Variants in RYR2 observed in about 807,000 individuals in gnomAD.
RYR2 encodes the protein cardiac muscle ryanodine receptor-calcium release channel.
Under a neutral mutation model 601.1 loss-of-function variants are expected in RYR2, and 227 were observed. The ratio of observed to expected loss-of-function variants is 0.38; its 90% CI spans 0.34 to 0.42. The LOEUF (loss-of-function observed/expected upper bound fraction) is 0.42. Among genes scored for constraint, RYR2 ranks in the 10% least tolerant of loss-of-function variants. The probability of loss-of-function intolerance (pLI) is 1.00; values close to 1 mark genes in which losing one functional copy is unlikely to be tolerated. For synonymous variants in RYR2, 2,223 were observed against 2,175.1 expected, an observed-to-expected ratio of 1.02 and a Z score of -0.61; for missense variants, 4,646 against 6,156.5, an observed-to-expected ratio of 0.75 and a Z score of 8.21.
intron 1 of RYR2, among the ~76,000 whole-genome samples, chr1:237,165,466 CA>C (rs1198020145): frequency 6.6e-6 from 1 of 152,054 alleles, no homozygotes; most frequent in Admixed American, 6.5e-5. Context: ...TTGAGACTGT[CA>C]AAAATTGGGC....
At chr1:237,644,127 A>G (rs1287319601) in intron 48 of RYR2, among the ~76,000 whole-genome samples, 2 of 152,058 alleles carry the variant, frequency 1.3e-5, no homozygotes, top group Non-Finnish European at 2.9e-5. Context: ...GATAGTTTTC[A>G]TTGTCACTTT....
chr1:237,671,888 G>C (rs1684982356), intron 58 of RYR2, among the ~76,000 whole-genome samples: 1 of 152,062 alleles, frequency 6.6e-6, no homozygotes, highest in African/African-American at 2.4e-5. Flanking sequence ...TTGTACCATG[G>C]TCATCTGTTG....
chr1:237,590,039 A>G (rs1303768029), intron 30 of RYR2, 38 bp downstream of exon 30: 3 of 1,563,580 alleles, frequency 1.9e-6, no homozygotes, highest in African/African-American at 1.4e-5. Context: ...ATTTCTAAAA[A>G]GCAGGAAAAG....
Position 237,649,902 on chromosome 1 carries a change from C to T in RYR2, c.7538C>T (p.Ala2513Val), listed in dbSNP as rs1244631309. 1.2e-6 allele frequency: 2 copies of T among 1,613,910 alleles called. No individual in the cohort carries two copies. The highest frequency in any genetic ancestry group is 2.2e-5 in the East Asian group (1 of 44,850). ...DTAALSATDM[A>V]LALNRYLCTA... ...GCAGCTTTGAGTGCTACAGACATGG[C>T]CTTGGCCCTCAATCGGTACCTTTGC... is the stretch of plus-strand genomic sequence containing the variant. The change falls in exon 50 of 105, where the codon GCC becomes GTC. Residue 2513 changes from alanine to valine, a missense_variant. Around this residue, in one of 17 missense-constraint regions of RYR2, gnomAD observed 1,497 missense variants for 1,842.6 expected, o/e 0.81. Coordinates refer to ENST00000366574, the MANE Select transcript of RYR2 (RefSeq NM_001035.3).
chr1:237,635,106 A>C (rs1221399977), intron 44 of RYR2, 114 bp downstream of exon 44: 3 of 744,956 alleles, frequency 4.0e-6, no homozygotes, highest in Non-Finnish European at 6.2e-6. Context: ...TTGCAATGTG[A>C]CATTATGGCC....
chr1:237,158,328 A>G (rs1675621921), intron 1 of RYR2, among the ~76,000 whole-genome samples: 2 of 152,226 alleles, frequency 1.3e-5, no homozygotes, highest in Admixed American at 6.5e-5. Context: ...TAAGACTTAC[A>G]GAAATAAAGG....
chr1:237,209,497 A>ATGTGTGTGTGTGTG (rs55861841), intron 1 of RYR2, among the ~76,000 whole-genome samples: 51,367 of 143,084 alleles, frequency 0.36, 11,115 homozygotes, highest in Admixed American at 0.47. Flanking sequence ...ATCTGCATAT[A>ATGTGTGTGTGTGTG]TGTGTGTGTG....
chr1:237,596,225 C>A (rs1675879202), intron 34 of RYR2, among the ~76,000 whole-genome samples: 1 of 151,972 alleles, frequency 6.6e-6, no homozygotes, highest in Admixed American at 6.6e-5. Flanking sequence ...TTATAGGATG[C>A]CTGAAAAGAA....
intron 1 of RYR2, among the ~76,000 whole-genome samples, chr1:237,157,520 GTGA>G (rs1483185394): frequency 2.6e-5 from 4 of 152,110 alleles, no homozygotes. Flanking sequence ...TAAAGAAAAT[GTGA>G]TATATACACA....
intron 1 of RYR2, among the ~76,000 whole-genome samples, chr1:237,175,916 G>A (rs186283455): frequency 3.7e-4 from 57 of 152,268 alleles, no homozygotes; most frequent in East Asian, 9.6e-4. Flanking sequence ...CATTGTAGAC[G>A]TGATGTGTTG....
intron 82 of RYR2, 50 bp from the exon 83 acceptor site, chr1:237,759,726 A>G (rs1362819688): frequency 1.8e-6 from 2 of 1,114,814 alleles, no homozygotes; most frequent in Non-Finnish European, 2.8e-6. Flanking sequence ...TTATTTAACA[A>G]ACAATAAGAT....
intron 19 of RYR2, among the ~76,000 whole-genome samples, chr1:237,495,187 G>A (rs541210005): frequency 6.6e-6 from 1 of 152,224 alleles, no homozygotes; most frequent in African/African-American, 2.4e-5. Flanking sequence ...ATCCTCACAA[G>A]ATGCTTAAAT....
At chr1:237,724,215 A>ATATATG (rs1178085578) in intron 74 of RYR2, among the ~76,000 whole-genome samples, 29 of 123,126 alleles carry the variant, frequency 2.4e-4, no homozygotes, top group African/African-American at 7.0e-4. Context: ...ATATATATAT[A>ATATATG]TATGTATGTG....
chr1:237,397,798 T>C (rs1420366061), intron 10 of RYR2, among the ~76,000 whole-genome samples: 7 of 150,714 alleles, frequency 4.6e-5, no homozygotes, highest in Admixed American at 6.6e-5. Context: ...CTCGGCTCAC[T>C]GTAAGCTCCG....
At chr1:237,681,664 G>C (rs1300763034) in intron 62 of RYR2, among the ~76,000 whole-genome samples, 1 of 152,158 alleles carries the variant, frequency 6.6e-6, no homozygotes, top group Non-Finnish European at 1.5e-5. Flanking sequence ...CTGCCACATG[G>C]AGAGAGGCAA....
intron 1 of RYR2, among the ~76,000 whole-genome samples, chr1:237,138,505 T>C (rs1462685873): frequency 6.6e-6 from 1 of 152,232 alleles, no homozygotes; most frequent in Non-Finnish European, 1.5e-5. Flanking sequence ...CTTATTTTCT[T>C]ATATGTGGAA....
chr1:237,219,010 ATTTTTTTTTT>A (rs754644450), intron 1 of RYR2, among the ~76,000 whole-genome samples: 1 of 121,732 alleles, frequency 8.2e-6, no homozygotes, highest in South Asian at 2.7e-4. Context: ...CTTATACTTG[ATTTTTTTTTT>A]TTTTTTTTTT....
chr1:237,449,679 C>G (rs532156647), intron 14 of RYR2, among the ~76,000 whole-genome samples: 1 of 151,792 alleles, frequency 6.6e-6, no homozygotes, highest in East Asian at 1.9e-4. Flanking sequence ...ACTCTTTTGG[C>G]TTTTGTACAA....
At chr1:237,552,167 T>C (rs1300028760) in intron 27 of RYR2, among the ~76,000 whole-genome samples, 1 of 152,132 alleles carries the variant, frequency 6.6e-6, no homozygotes, top group Non-Finnish European at 1.5e-5. Flanking sequence ...TCAGTTGCTG[T>C]TAGGTGTGCA....
Sources: allele counts gnomAD v4.1 joint callset (sites outside exome capture counted in the v4.1 genomes callset), GRCh38; gene constraint gnomAD v4.1.1; regional missense constraint gnomAD v4.1.1; transcripts MANE v1.5; gene names NCBI Gene and HGNC (gene_info 2026-07-23, HGNC 2026-07-21).